Variants in CDIN1 observed in about 807,000 individuals in gnomAD.
The protein encoded by CDIN1 is CDAN1-interacting nuclease 1.
CDIN1 carries 33 observed loss-of-function variants against 45.3 expected under a neutral mutation model. The ratio of observed to expected loss-of-function variants is 0.73; its 90% CI spans 0.55 to 0.97. The LOEUF is 0.97. Among genes scored for constraint, CDIN1 ranks in the 50% least tolerant of loss-of-function variants. CDIN1 has a pLI of 0.00. For synonymous variants in CDIN1, 118 were observed against 124.4 expected, an observed-to-expected ratio of 0.95 and a Z score of 0.34; for missense variants, 303 against 339.4, an observed-to-expected ratio of 0.89 and a Z score of 0.84.
chr15:36,585,097 C>T (rs2077040000), intron 1 of CDIN1, among the ~76,000 whole-genome samples: 1 of 152,166 alleles, frequency 6.6e-6, no homozygotes, highest in Non-Finnish European at 1.5e-5. Context: ...TTATAATTTC[C>T]TGCCCAAACA....
intron 10 of CDIN1, chr15:36,799,348 G>C (rs1020175081): frequency 1.3e-5 from 2 of 152,150 alleles, no homozygotes; most frequent in African/African-American, 4.8e-5. Flanking sequence ...AAGGTGTTCT[G>C]TCTTCTCCAT....
chr15:36,641,642 T>A (rs1443125985), intron 1 of CDIN1: 1 of 152,234 alleles, frequency 6.6e-6, no homozygotes, highest in Non-Finnish European at 1.5e-5. Context: ...CTAAGTGATA[T>A]AAAGTGTAAA....
intron 10 of CDIN1, among the ~76,000 whole-genome samples, chr15:36,723,360 T>G (rs988796073): frequency 6.6e-6 from 1 of 152,126 alleles, no homozygotes; most frequent in Non-Finnish European, 1.5e-5. Context: ...AGGAGGCTAT[T>G]TTAGTCATCT....
At chr15:36,676,947 G>C (rs2041670320) in intron 5 of CDIN1, among the ~76,000 whole-genome samples, 1 of 152,136 alleles carries the variant, frequency 6.6e-6, no homozygotes, top group African/African-American at 2.4e-5. Flanking sequence ...ACAAAAATGT[G>C]TGCTAGTAAG....
chr15:36,714,614 G>A (rs1409445227), intron 10 of CDIN1, among the ~76,000 whole-genome samples: 1 of 152,148 alleles, frequency 6.6e-6, no homozygotes, highest in Non-Finnish European at 1.5e-5. Context: ...GGCTCCGTGT[G>A]TCAGTGCAGG....
intron 9 of CDIN1, 148 bp from the exon 10 acceptor site, chr15:36,709,708 A>C: frequency 1.7e-6 from 1 of 590,098 alleles, no homozygotes; most frequent in South Asian, 2.4e-5. Flanking sequence ...GAACATATAC[A>C]GTGTGTTGTT....
At chr15:36,729,697 G>T (rs1371856417) in intron 10 of CDIN1, among the ~76,000 whole-genome samples, 4 of 152,126 alleles carry the variant, frequency 2.6e-5, no homozygotes, top group Non-Finnish European at 4.4e-5. Context: ...GACTATGTGG[G>T]TTGTGGTGCT....
chr15:36,774,089 G>A (rs544773792), intron 10 of CDIN1, among the ~76,000 whole-genome samples: 5 of 151,820 alleles, frequency 3.3e-5, no homozygotes, highest in Admixed American at 1.3e-4. Flanking sequence ...GTTTAGGGCC[G>A]CCTTCCCACA....
chr15:36,732,919 A>G (rs987587655), intron 10 of CDIN1, among the ~76,000 whole-genome samples: 1 of 152,060 alleles, frequency 6.6e-6, no homozygotes, highest in African/African-American at 2.4e-5. Context: ...TCCATTTACA[A>G]TATTTTAACC....
rs761451923 is a variant in CDIN1, at chr15:36,774,133, GGT to G, written c.717-34161_717-34160del. Reference sequence around the variant, plus strand: ...CACCTGCCGGCAAGTAACTGACAGGGGTGTGTGTGTGTGTGTGTGTGTGTGTG... The same window carrying G: ...CACCTGCCGGCAAGTAACTGACAGGGGTGTGTGTGTGTGTGTGTGTGTGTG... On this transcript the variant is annotated intron_variant, in intron 10 of 10. Transcript: ENST00000566621. 9.4e-5 allele frequency among the ~76,000 whole-genome samples: 13 copies of G among 138,740 alleles called. No individual in the cohort carries two copies. The East Asian group carries it at 1.5e-3, about 16-fold the overall frequency. 91.0% of individuals were successfully genotyped at this position (138,740 alleles called of 152,430 possible). A position where few individuals can be genotyped will look rare whatever the true frequency, so the allele number is the denominator to read the frequency against.
At chr15:36,690,798 G>C (rs2042221577) in intron 5 of CDIN1, among the ~76,000 whole-genome samples, 1 of 151,992 alleles carries the variant, frequency 6.6e-6, no homozygotes, top group South Asian at 2.1e-4. Context: ...CGATACCTAG[G>C]CAACACGTGA....
At chr15:36,755,468 A>C (rs1432448131) in intron 10 of CDIN1, among the ~76,000 whole-genome samples, 1 of 152,126 alleles carries the variant, frequency 6.6e-6, no homozygotes, top group African/African-American at 2.4e-5. Flanking sequence ...GTCCCAATTA[A>C]TGTCACCTTT....
At chr15:36,772,187 A>G (rs1364116552) in intron 10 of CDIN1, among the ~76,000 whole-genome samples, 1 of 152,186 alleles carries the variant, frequency 6.6e-6, no homozygotes, top group African/African-American at 2.4e-5. Flanking sequence ...CCAAAAAGCT[A>G]TGAAAACTGT....
At chr15:36,653,362 T>C (rs2040648316) in intron 3 of CDIN1, among the ~76,000 whole-genome samples, 1 of 151,798 alleles carries the variant, frequency 6.6e-6, no homozygotes, top group African/African-American at 2.4e-5. Context: ...TGAAGAACCT[T>C]ACAAGAGCTG....
chr15:36,736,342 A>G (rs2044018396), intron 10 of CDIN1, among the ~76,000 whole-genome samples: 1 of 152,090 alleles, frequency 6.6e-6, no homozygotes, highest in Non-Finnish European at 1.5e-5. Flanking sequence ...TACACTCTAC[A>G]GCTACTGACT....
chr15:36,591,125 G>T (rs1318010969), intron 1 of CDIN1, among the ~76,000 whole-genome samples: 1 of 152,148 alleles, frequency 6.6e-6, no homozygotes, highest in Non-Finnish European at 1.5e-5. Context: ...TGATGACGTG[G>T]TTCTATAGGG....
chr15:36,692,475 G>A (rs1292405179), intron 7 of CDIN1, among the ~76,000 whole-genome samples: 1 of 151,958 alleles, frequency 6.6e-6, no homozygotes. Flanking sequence ...GTAATGTCTT[G>A]GAATGTATCT....
At chr15:36,721,242 GTAGT>G (rs2043407077) in intron 10 of CDIN1, among the ~76,000 whole-genome samples, 1 of 152,050 alleles carries the variant, frequency 6.6e-6, no homozygotes, top group Non-Finnish European at 1.5e-5. Context: ...CACTCTGATG[GTAGT>G]TTGTTTTGCT....
intron 10 of CDIN1, among the ~76,000 whole-genome samples, chr15:36,797,009 T>G (rs867004415): frequency 1.2e-4 from 18 of 152,230 alleles, no homozygotes; most frequent in African/African-American, 4.3e-4. Context: ...AACTGTAAGA[T>G]TCTCATTTTC....
Sources: gnomAD v4.1 joint callset for allele counts (sites outside exome capture counted in the v4.1 genomes callset) on GRCh38, gnomAD v4.1.1 for gene constraint, MANE v1.5 for transcripts, NCBI Gene and HGNC (gene_info 2026-07-23, HGNC 2026-07-21) for gene names.